Variants in CAND1 observed in about 807,000 individuals in gnomAD.
CAND1 encodes cullin associated and neddylation dissociated 1, also known as cullin-associated NEDD8-dissociated protein 1.
Under a neutral mutation model 108.5 loss-of-function variants are expected in CAND1, and 7 were observed. The ratio of observed to expected loss-of-function variants is 0.06; its 90% CI spans 0.04 to 0.12. The LOEUF (loss-of-function observed/expected upper bound fraction) is 0.12. Among genes scored for constraint, CAND1 ranks in the 10% least tolerant of loss-of-function variants. CAND1 has a pLI of 1.00. For missense variants in CAND1, 941 were observed against 1,448.7 expected (o/e 0.65, Z 5.69); for synonymous variants, 534 against 512.0 (o/e 1.04, Z -0.58).
chr12:67,279,629 C>T (rs991896173), intron 1 of CAND1, among the ~76,000 whole-genome samples: 1 of 152,094 alleles, frequency 6.6e-6, no homozygotes, highest in African/African-American at 2.4e-5. Flanking sequence ...TTTTGAAAAT[C>T]AGTAGGCTTC....
intron 2 of CAND1, among the ~76,000 whole-genome samples, chr12:67,284,616 A>G (rs2135997484): frequency 6.9e-6 from 1 of 145,114 alleles, no homozygotes; most frequent in Middle Eastern, 4.0e-3. Context: ...AAGATGTATT[A>G]TCCCACTTGA....
intron 6 of CAND1, among the ~76,000 whole-genome samples, chr12:67,298,494 T>C (rs1020242307): frequency 2.6e-5 from 4 of 152,170 alleles, no homozygotes; most frequent in Non-Finnish European, 5.9e-5. Context: ...GTTCCTTTAG[T>C]TGAGAAACAC....
chr12:67,315,800 G>C lies in CAND1; in HGVS notation c.*2970G>C, dbSNP rs947656111. The C allele has an allele frequency of 6.6e-6, 1 of 152,004 alleles. No individual in the cohort carries two copies. Among genetic ancestry groups the C allele is most frequent in the African/African-American group, 2.4e-5 (1 of 41,370 alleles). 9.4% of individuals were successfully genotyped at this position (152,004 alleles called of 1,614,324 possible). On this transcript the variant is annotated 3_prime_UTR_variant, in exon 15 of 15. Transcript: ENST00000545606. ...TTGTGATATCTTTATATCTAGTTCA[G>C]TCTCAGATGTATGAATATGATTATA...
In CAND1 at chr12:67,311,775, C is replaced by T; in HGVS notation, c.3443C>T (p.Pro1148Leu). ...VLQRLDRLVE[P>L]LRATCTTKVK... Reference sequence around the variant, plus strand: ...CAGAGGTTGGACCGACTTGTTGAGCCATTACGTGCAACATGTACAACTAAG... The same window carrying T: ...CAGAGGTTGGACCGACTTGTTGAGCTATTACGTGCAACATGTACAACTAAG... Residue 1148 changes from proline (P) to leucine (L), a missense_variant, in exon 14 of 15, where the codon CCA becomes CTA. Around this residue, in one of 9 missense-constraint regions of CAND1, gnomAD observed 22 missense variants for 24.4 expected, o/e 0.90. Coordinates refer to ENST00000545606, the MANE Select transcript of CAND1 (RefSeq NM_018448.5). 6.2e-7 allele frequency: 1 copy of T among 1,606,940 alleles called. No individual in the cohort carries two copies. The highest frequency in any genetic ancestry group is 8.5e-7 in the Non-Finnish European group (1 of 1,173,592).
intron 1 of CAND1, chr12:67,270,769 T>TAAAAAAAA (rs10573806): frequency 7.3e-6 from 1 of 137,868 alleles, no homozygotes. Flanking sequence ...GTTCTCAATC[T>TAAAAAAAA]AAAAAAAAAA....
chr12:67,304,058 C>T (rs1308420929), intron 8 of CAND1, among the ~76,000 whole-genome samples: 4 of 148,510 alleles, frequency 2.7e-5, no homozygotes, highest in African/African-American at 1.0e-4. Context: ...GGTGCTATCT[C>T]GGCTCACTGC....
chr12:67,279,776 T>A (rs1038007602), intron 1 of CAND1, among the ~76,000 whole-genome samples: 1 of 152,324 alleles, frequency 6.6e-6, no homozygotes, highest in East Asian at 1.9e-4. Context: ...AGAATGAATT[T>A]GTGCCGGTAG....
At position 67,302,437 on chromosome 12, in the gene CAND1, A is replaced by T. The variant is rs375779560; in HGVS notation, c.1115A>T (p.Tyr372Phe). 61 of 1,614,018 alleles carry T rather than the reference A, an allele frequency of 3.8e-5. 1 individual carries two copies. In the South Asian group the frequency reaches 6.6e-4, roughly 17 times the overall value. The change falls in exon 8 of 15, where the codon TAC (tyrosine) becomes TTC (phenylalanine). Residue 372 changes from tyrosine (Y) to phenylalanine (F), a missense_variant. By Grantham distance (22) the Tyr-to-Phe change is conservative. Around this residue, in one of 9 missense-constraint regions of CAND1, gnomAD observed 697 missense variants for 942.0 expected, o/e 0.74. Transcript: ENST00000545606. The stretch of plus-strand genomic sequence containing the variant: ...AGGCATGAAATGCTTCCAGAATTCT[A>T]CAAGACCGTCTCTCCTGCACTAATA... Reference protein sequence around the residue: ...STRHEMLPEFYKTVSPALISR... With the variant: ...STRHEMLPEFFKTVSPALISR...
intron 2 of CAND1, among the ~76,000 whole-genome samples, chr12:67,291,850 A>G (rs1052662184): frequency 6.6e-6 from 1 of 152,156 alleles, no homozygotes; most frequent in African/African-American, 2.4e-5. Context: ...TGTTAGGAGC[A>G]GACTCCTAAT....
chr12:67,269,791 G>A lies in CAND1; in HGVS notation c.68+6G>A. ...TCCAGCGACAAGGACTTTAGGTGAG[G>A]CCGAGATCCGACCCTCACCCCACCT... On this transcript the variant is annotated splice_donor_region_variant and intron_variant, in intron 1 of 14. Transcript: ENST00000545606. 6.3e-7 allele frequency: 1 copy of A among 1,599,848 alleles called. No individual in the cohort carries two copies.
At chr12:67,270,791 A>G (rs1031717825) in intron 1 of CAND1, 1 of 151,992 alleles carries the variant, frequency 6.6e-6, no homozygotes, top group African/African-American at 2.4e-5. Context: ...AAAAAAGAAA[A>G]AAAAATCGCT....
rs1006990240 is a variant in CAND1, at chr12:67,316,965, A to G, written c.*4135A>G. 2 of 152,232 alleles carry G rather than the reference A, an allele frequency of 1.3e-5. No individual in the cohort carries two copies. The highest frequency in any genetic ancestry group is 6.5e-5 in the Admixed American group (1 of 15,276). 9.4% of individuals were successfully genotyped at this position (152,232 alleles called of 1,614,324 possible). On this transcript the variant is annotated 3_prime_UTR_variant, in exon 15 of 15. Transcript: ENST00000545606. ...GAGTTGGAGACCAGCTCTAGGCAAC[A>G]TAGTGAGACCCTGTCTCTACCAAAA...
rs577998835 is a variant in CAND1 at position 67,279,811 on chromosome 12, T to G, written c.69-2099T>G. 6.6e-5 allele frequency among the ~76,000 whole-genome samples: 10 copies of G among 152,296 alleles called. No homozygotes were observed. In the East Asian group the frequency reaches 1.9e-3, roughly 29 times the overall value. On this transcript the variant is annotated intron_variant, in intron 1 of 14. Transcript: ENST00000545606. ...GAACCATACAGGACCATAAAACAAC[T>G]TTTTACTTGGGATTATGTTTTTCTA... is the stretch of plus-strand genomic sequence containing the variant.
chr12:67,283,349 C>T (rs986712303), intron 2 of CAND1, among the ~76,000 whole-genome samples: 2 of 151,846 alleles, frequency 1.3e-5, no homozygotes, highest in African/African-American at 4.8e-5. Flanking sequence ...TTTGGGAGGC[C>T]GAGGCAGGTG....
At chr12:67,286,937 A>T (rs564123473) in intron 2 of CAND1, among the ~76,000 whole-genome samples, 2 of 152,184 alleles carry the variant, frequency 1.3e-5, no homozygotes, top group East Asian at 1.9e-4. Context: ...TTACTTTGGC[A>T]TCTTCGTCAA....
chr12:67,301,144 T>G (rs1415960780), intron 7 of CAND1, among the ~76,000 whole-genome samples: 1 of 152,204 alleles, frequency 6.6e-6, no homozygotes, highest in East Asian at 1.9e-4. Context: ...TTTGGCAGTA[T>G]CTTTTAACTT....
chr12:67,274,499 AT>A (rs1430154689), intron 1 of CAND1, among the ~76,000 whole-genome samples: 1 of 152,212 alleles, frequency 6.6e-6, no homozygotes, highest in Non-Finnish European at 1.5e-5. Context: ...CTCCTTAAGA[AT>A]AGGGACCTTG....
At chr12:67,283,095 T>C (rs2044635469) in intron 2 of CAND1, among the ~76,000 whole-genome samples, 1 of 152,204 alleles carries the variant, frequency 6.6e-6, no homozygotes, top group African/African-American at 2.4e-5. Flanking sequence ...TTGATATCAA[T>C]TTAAATAAAG....
At chr12:67,277,491 A>G (rs2044580640) in intron 1 of CAND1, among the ~76,000 whole-genome samples, 2 of 152,204 alleles carry the variant, frequency 1.3e-5, no homozygotes, top group Admixed American at 1.3e-4. Flanking sequence ...ACAGCATTTC[A>G]GCACTGTGCT....
Sources: gnomAD v4.1 joint callset for allele counts (sites outside exome capture counted in the v4.1 genomes callset) on GRCh38, gnomAD v4.1.1 for gene constraint, gnomAD v4.1.1 regional missense constraint, MANE v1.5 for transcripts, NCBI Gene and HGNC (gene_info 2026-07-23, HGNC 2026-07-21) for gene names.